IFT88: variants seen among roughly 807,000 people sequenced by gnomAD.
The protein encoded by IFT88 is intraflagellar transport 88, also known as intraflagellar transport protein 88 homolog.
IFT88 carries 74 observed loss-of-function variants against 119.5 expected under a neutral mutation model. That is an observed-to-expected ratio of 0.62 (90% confidence interval 0.51 to 0.75). The LOEUF is 0.75. Among genes scored for constraint, IFT88 ranks in the 30% least tolerant of loss-of-function variants. The pLI is 0.00. For synonymous variants in IFT88, 279 were observed against 316.7 expected, an observed-to-expected ratio of 0.88 and a Z score of 1.26; for missense variants, 961 against 977.7, an observed-to-expected ratio of 0.98 and a Z score of 0.23.
chr13:20,616,876 A>G (rs986320296), intron 14 of IFT88, among the ~76,000 whole-genome samples: 1 of 152,094 alleles, frequency 6.6e-6, no homozygotes, highest in Admixed American at 6.5e-5. Flanking sequence ...TTTTAGCACC[A>G]TTATCTTATG....
At chr13:20,681,144 T>C (rs1250457469) in intron 24 of IFT88, among the ~76,000 whole-genome samples, 3 of 152,188 alleles carry the variant, frequency 2.0e-5, no homozygotes, top group Non-Finnish European at 4.4e-5. Flanking sequence ...TAATATTCCA[T>C]ATAGAGAAAA....
intron 23 of IFT88, among the ~76,000 whole-genome samples, chr13:20,667,858 AG>A (rs1242997385): frequency 1.3e-5 from 2 of 152,224 alleles, no homozygotes; most frequent in Non-Finnish European, 2.9e-5. Context: ...TTCCAGCCAA[AG>A]AACAGTGTGC....
In IFT88 at chr13:20,598,509, T is replaced by C. The variant is rs567170958; in HGVS notation, c.595-142T>C. 2.3e-3 allele frequency: 1,147 copies of C among 493,404 alleles called. 2 individuals carry two copies. Among genetic ancestry groups the C allele is most frequent in the Non-Finnish European group, 2.6e-3 (714 of 273,086 alleles). The allele number at this position is 493,404 out of a possible 1,614,324, so 30.6% of individuals were successfully genotyped here. ...CATTTGTAATGCAAGATAATTCTTT[T>C]GTTTACTTAATTTCATAATTGGCTG... On this transcript the variant is annotated intron_variant, in intron 9 of 25. Coordinates refer to ENST00000351808, the MANE Select transcript of IFT88 (RefSeq NM_006531.5).
intron 5 of IFT88, among the ~76,000 whole-genome samples, chr13:20,591,253 A>G (rs180783601): frequency 6.6e-6 from 1 of 152,140 alleles, no homozygotes; most frequent in Non-Finnish European, 1.5e-5. Flanking sequence ...TGGGGTGTGG[A>G]CATAGAACTG....
At chr13:20,672,003 A>G (rs1343484301) in intron 24 of IFT88, among the ~76,000 whole-genome samples, 2 of 152,256 alleles carry the variant, frequency 1.3e-5, no homozygotes, top group African/African-American at 2.4e-5. Context: ...AACAAATAAG[A>G]CGTGGTCCCC....
chr13:20,673,467 C>T (rs1177827698), intron 24 of IFT88, among the ~76,000 whole-genome samples: 1 of 152,224 alleles, frequency 6.6e-6, no homozygotes. Context: ...CTCTCGGAAA[C>T]AGATTGATCA....
At chr13:20,604,842 C>A (rs550925948) in intron 12 of IFT88, among the ~76,000 whole-genome samples, 193 bp from the exon 13 acceptor site, 2 of 152,240 alleles carry the variant, frequency 1.3e-5, no homozygotes. Context: ...GTAGTCCCAG[C>A]TACTTGGGAG....
At chr13:20,574,235 A>C in intron 1 of IFT88, 145 bp from the exon 2 acceptor site, 1 of 382,636 alleles carries the variant, frequency 2.6e-6, no homozygotes, top group Middle Eastern at 7.7e-4. Flanking sequence ...TGGGAGGATC[A>C]CTTGTGCCAG....
At chr13:20,626,789 G>C (rs1347784121) in intron 15 of IFT88, among the ~76,000 whole-genome samples, 1 of 152,164 alleles carries the variant, frequency 6.6e-6, no homozygotes, top group East Asian at 1.9e-4. Context: ...TAACCAAAGA[G>C]AGTAAACAGA....
At chr13:20,634,586 G>C (rs1164254388) in intron 16 of IFT88, among the ~76,000 whole-genome samples, 1 of 151,968 alleles carries the variant, frequency 6.6e-6, no homozygotes, top group African/African-American at 2.4e-5. Flanking sequence ...AATTAGCCAG[G>C]CATGGTGGTG....
chr13:20,590,917 A>G, intron 4 of IFT88, 50 bp from the exon 5 acceptor site: 1 of 1,313,696 alleles, frequency 7.6e-7, no homozygotes, highest in Non-Finnish European at 1.1e-6. Flanking sequence ...TTAAACATTT[A>G]AGGCAGATAT....
Position 20,586,045 on chromosome 13 carries a change from T to A in IFT88, c.153+3026T>A, listed in dbSNP as rs189107635. Among the ~76,000 whole-genome samples the A allele has an allele frequency of 5.4e-4, 82 of 152,326 alleles. No homozygotes were observed. The Middle Eastern group carries it at 0.01, about 19-fold the overall frequency. ...TGAACTTTGTCTTTAATTAAGTGATTTCAGGGATCACGTAACAGGTGATAA... is the reference window on the plus strand; with the variant it reads ...TGAACTTTGTCTTTAATTAAGTGATATCAGGGATCACGTAACAGGTGATAA... On this transcript the variant is annotated intron_variant, in intron 3 of 25. Transcript: ENST00000351808.
At chr13:20,614,638 A>G (rs554685786) in intron 13 of IFT88, among the ~76,000 whole-genome samples, 2 of 152,296 alleles carry the variant, frequency 1.3e-5, no homozygotes, top group Admixed American at 6.5e-5. Context: ...ACTGTTATCA[A>G]TGACAGTAAT....
intron 24 of IFT88, among the ~76,000 whole-genome samples, chr13:20,674,124 T>G (rs868087151): frequency 1.3e-5 from 2 of 152,192 alleles, no homozygotes; most frequent in Non-Finnish European, 2.9e-5. Flanking sequence ...TCTGTCCGCC[T>G]TCTCCAGTTC....
intron 7 of IFT88, 72 bp from the exon 8 acceptor site, chr13:20,596,078 A>AATAAG (rs2041592435): frequency 2.4e-6 from 1 of 413,528 alleles, no homozygotes; most frequent in South Asian, 6.8e-5. Flanking sequence ...AATAAAATAA[A>AATAAG]ATAAAATAAA....
At chr13:20,628,994 C>T (rs990910110) in intron 15 of IFT88, among the ~76,000 whole-genome samples, 3 of 152,094 alleles carry the variant, frequency 2.0e-5, no homozygotes, top group Non-Finnish European at 2.9e-5. Flanking sequence ...GACTATAACA[C>T]TCCTTTTTTT....
At chr13:20,582,105 A>G (rs1180224309) in intron 2 of IFT88, among the ~76,000 whole-genome samples, 1 of 152,090 alleles carries the variant, frequency 6.6e-6, no homozygotes, top group African/African-American at 2.4e-5. Context: ...TGAGAACTGC[A>G]TTTAATGTGT....
At position 20,628,676 on chromosome 13, in the gene IFT88, T is replaced by C. The variant is rs2047717659; in HGVS notation, c.1300-2340T>C. 2.0e-5 allele frequency among the ~76,000 whole-genome samples: 3 copies of C among 152,340 alleles called. No individual in the cohort carries two copies. The South Asian group carries it at 6.2e-4, about 32-fold the overall frequency. ...AGTGTTCCTTTTATTAGAATAATTATGTAGCCTTTTTAGAATAGATCATAG... is the reference window on the plus strand; with the variant it reads ...AGTGTTCCTTTTATTAGAATAATTACGTAGCCTTTTTAGAATAGATCATAG... On this transcript the variant is annotated intron_variant, in intron 15 of 25. Transcript: ENST00000351808.
At chr13:20,627,458 G>A (rs1233584526) in intron 15 of IFT88, among the ~76,000 whole-genome samples, 2 of 152,088 alleles carry the variant, frequency 1.3e-5, no homozygotes, top group Non-Finnish European at 2.9e-5. Context: ...GGCCGGGCGT[G>A]GTGGCTCACA....
Sources: allele counts gnomAD v4.1 joint callset (sites outside exome capture counted in the v4.1 genomes callset), GRCh38; gene constraint gnomAD v4.1.1; transcripts MANE v1.5; gene names NCBI Gene and HGNC (gene_info 2026-07-23, HGNC 2026-07-21).